The following ZNF469 variants were observed in gnomAD, a reference collection of about 807,000 sequenced individuals.
ZNF469 encodes the protein zinc finger protein 469.
Under a neutral mutation model 1.0 loss-of-function variants are expected in ZNF469, and 1 was observed. That is an observed-to-expected ratio of 1.00 (90% CI 0.35 to 4.73). The LOEUF (loss-of-function observed/expected upper bound fraction) is 4.73. ZNF469 is among the 30% of genes most tolerant of loss of function. The pLI, the probability that ZNF469 is intolerant of heterozygous loss-of-function variation, is 0.16. For synonymous variants in ZNF469, 2,703 were observed against 2,363.4 expected, an observed-to-expected ratio of 1.14 and a Z score of -4.17; for missense variants, 6,100 against 5,356.3, an observed-to-expected ratio of 1.14 and a Z score of -4.33.
At chr16:88,246,804 A>T in the ZNF469 span, among the ~76,000 whole-genome samples, 2 of 152,048 alleles carry the variant, frequency 1.3e-5, no homozygotes, top group African/African-American at 4.8e-5. Context: ...TAAATGAGTG[A>T]ATGAGGGAGT....
the ZNF469 span, among the ~76,000 whole-genome samples, chr16:88,351,067 C>T: frequency 6.6e-6 from 1 of 152,254 alleles, no homozygotes; most frequent in South Asian, 2.1e-4. Flanking sequence ...CCCTGGACAC[C>T]TGCTGTGACC....
chr16:88,373,712 A>G, the ZNF469 span, among the ~76,000 whole-genome samples: 910 of 152,102 alleles, frequency 6.0e-3, 10 homozygotes, highest in African/African-American at 0.02. Flanking sequence ...AGAGAGAAGA[A>G]ACGGCAGGGT....
the ZNF469 span, among the ~76,000 whole-genome samples, chr16:88,334,835 G>A: frequency 3.3e-5 from 5 of 152,112 alleles, no homozygotes; most frequent in East Asian, 1.9e-4. Flanking sequence ...AGATGCCGAC[G>A]GGAGGACACA....
At chr16:88,237,028 G>A in the ZNF469 span, among the ~76,000 whole-genome samples, 1 of 150,642 alleles carries the variant, frequency 6.6e-6, no homozygotes, top group African/African-American at 2.4e-5. Flanking sequence ...ATCCTCCCTT[G>A]CCCTCCAGTT....
At chr16:88,187,715 ATTTTTT>A in the ZNF469 span, among the ~76,000 whole-genome samples, 1 of 140,204 alleles carries the variant, frequency 7.1e-6, no homozygotes. Flanking sequence ...GATTGCCTGC[ATTTTTT>A]TTTTTTTTTT....
the ZNF469 span, among the ~76,000 whole-genome samples, chr16:88,229,962 G>T: frequency 6.6e-6 from 1 of 152,182 alleles, no homozygotes; most frequent in Admixed American, 6.5e-5. Context: ...TGCCACTCTG[G>T]TTGGGTCTGG....
the ZNF469 span, among the ~76,000 whole-genome samples, chr16:88,322,164 G>A: frequency 6.6e-6 from 1 of 152,188 alleles, no homozygotes; most frequent in African/African-American, 2.4e-5. Context: ...CGCGGCCTCG[G>A]CATCTTCTCC....
chr16:88,164,247 T>C, the ZNF469 span, among the ~76,000 whole-genome samples: 7 of 149,574 alleles, frequency 4.7e-5, no homozygotes, highest in Non-Finnish European at 8.9e-5. Context: ...GGATGAATAG[T>C]TGGGTAGATG....
the ZNF469 span, among the ~76,000 whole-genome samples, chr16:88,304,600 C>G: frequency 6.6e-5 from 10 of 152,342 alleles, no homozygotes; most frequent in Admixed American, 5.9e-4. Flanking sequence ...CTTCACCCAG[C>G]TGCTTCTGCT....
At chr16:88,324,083 C>T in the ZNF469 span, among the ~76,000 whole-genome samples, 15 of 152,180 alleles carry the variant, frequency 9.9e-5, no homozygotes, top group African/African-American at 2.7e-4. Flanking sequence ...GGGTGAGATC[C>T]GCCGCAAAAA....
At chr16:88,185,024 C>A in the ZNF469 span, among the ~76,000 whole-genome samples, 1 of 151,354 alleles carries the variant, frequency 6.6e-6, no homozygotes, top group South Asian at 2.1e-4. Flanking sequence ...TGGATACACA[C>A]TCATACAGGC....
At chr16:88,268,565 T>C in the ZNF469 span, among the ~76,000 whole-genome samples, 10 of 151,892 alleles carry the variant, frequency 6.6e-5, no homozygotes, top group African/African-American at 1.4e-4. Context: ...CTGGGTAGAG[T>C]GAGATCCTGG....
chr16:88,410,389 T>C (rs1905121226), intron 1 of ZNF469, among the ~76,000 whole-genome samples: 1 of 151,232 alleles, frequency 6.6e-6, no homozygotes, highest in Admixed American at 6.6e-5. Flanking sequence ...CGGTGACGTC[T>C]ATGATGCTGT....
chr16:88,239,660 TTTTTTTG>T, the ZNF469 span, among the ~76,000 whole-genome samples: 40 of 106,500 alleles, frequency 3.8e-4, no homozygotes, highest in African/African-American at 1.4e-3. Context: ...GCTTATTTTT[TTTTTTTG>T]TATATATATA....
the ZNF469 span, among the ~76,000 whole-genome samples, chr16:88,271,190 C>T: frequency 6.7e-6 from 1 of 150,272 alleles, no homozygotes; most frequent in Non-Finnish European, 1.5e-5. Context: ...CCTGGCTTCC[C>T]GGAGAGCGTG....
At chr16:88,178,046 A>T in the ZNF469 span, 10 of 152,184 alleles carry the variant, frequency 6.6e-5, no homozygotes, top group African/African-American at 2.4e-4. Flanking sequence ...GACTCTTGCA[A>T]TCCGTAGCTT....
At chr16:88,338,492 C>T in the ZNF469 span, among the ~76,000 whole-genome samples, 19 of 152,258 alleles carry the variant, frequency 1.2e-4, no homozygotes, top group East Asian at 1.7e-3. Flanking sequence ...GTTTGCCCCG[C>T]ACAAGTATTG....
At chr16:88,297,848 G>T in the ZNF469 span, among the ~76,000 whole-genome samples, 4 of 152,190 alleles carry the variant, frequency 2.6e-5, no homozygotes, top group Non-Finnish European at 5.9e-5. Context: ...ATTAGGACCT[G>T]ACCTCTTTAG....
At chr16:88,381,030 TCACACACATGCACTCA>T (rs2092522100), upstream of ZNF469, among the ~76,000 whole-genome samples, 2 of 101,740 alleles carry the variant, frequency 2.0e-5, no homozygotes, top group African/African-American at 7.8e-5. Context: ...AGACATGCAC[TCACACACATGCACTCA>T]CACAGACACG....
Sources: gnomAD v4.1 joint callset for allele counts (sites outside exome capture counted in the v4.1 genomes callset) on GRCh38, gnomAD v4.1.1 for gene constraint, MANE v1.5 for transcripts, NCBI Gene and HGNC (gene_info 2026-07-23, HGNC 2026-07-21) for gene names.